Variants in RSRC1 observed in about 807,000 individuals in gnomAD.
RSRC1 encodes the protein arginine and serine rich coiled-coil 1, also known as serine/Arginine-related protein 53.
A neutral mutation model predicts 49.1 loss-of-function variants in RSRC1; 39 were observed. The ratio of observed to expected loss-of-function variants is 0.79; its 90% CI spans 0.61 to 1.04. The LOEUF is 1.04. Ranked by LOEUF, RSRC1 falls within the 50% of genes least tolerant of loss-of-function variation. The pLI is 0.00. For synonymous variants in RSRC1, 143 were observed against 130.8 expected (o/e 1.09, Z -0.63); for missense variants, 388 against 402.4 (o/e 0.96, Z 0.31).
chr3:158,308,611 G>A (rs370851527), intron 5 of RSRC1, among the ~76,000 whole-genome samples: 6 of 151,934 alleles, frequency 3.9e-5, no homozygotes, highest in Admixed American at 1.3e-4. Flanking sequence ...AAGAAATATT[G>A]CATTAATTTT....
intron 6 of RSRC1, among the ~76,000 whole-genome samples, chr3:158,363,545 G>A (rs751185839): frequency 5.9e-5 from 9 of 152,254 alleles, no homozygotes; most frequent in South Asian, 4.2e-4. Context: ...GATTACAGGC[G>A]TGAGCCACCA....
intron 7 of RSRC1, among the ~76,000 whole-genome samples, chr3:158,503,349 T>C (rs918094873): frequency 2.0e-5 from 3 of 152,108 alleles, no homozygotes; most frequent in Non-Finnish European, 4.4e-5. Context: ...ATGTTCCATT[T>C]TTGTGAGGGT....
intron 6 of RSRC1, among the ~76,000 whole-genome samples, chr3:158,445,160 AC>A (rs1736628855): frequency 6.6e-6 from 1 of 152,226 alleles, no homozygotes; most frequent in South Asian, 2.1e-4. Flanking sequence ...CTGGGTGTAT[AC>A]CCAAAGGAAT....
intron 5 of RSRC1, among the ~76,000 whole-genome samples, chr3:158,346,826 G>A (rs1730577836): frequency 6.6e-6 from 1 of 152,166 alleles, no homozygotes; most frequent in Non-Finnish European, 1.5e-5. Context: ...CTGAATCTTA[G>A]CACCTTTTAT....
At chr3:158,434,568 A>G (rs1046033815) in intron 6 of RSRC1, among the ~76,000 whole-genome samples, 16 of 152,118 alleles carry the variant, frequency 1.1e-4, no homozygotes, top group African/African-American at 2.9e-4. Flanking sequence ...ACATTCCAAC[A>G]GACAGAAGAA....
intron 6 of RSRC1, among the ~76,000 whole-genome samples, chr3:158,400,277 TC>T (rs1160392047): frequency 2.4e-4 from 37 of 152,228 alleles, no homozygotes; most frequent in African/African-American, 8.9e-4. Flanking sequence ...TAAACAAACT[TC>T]CTGCAGTGCC....
chr3:158,376,862 T>G (rs1216548740), intron 6 of RSRC1, among the ~76,000 whole-genome samples: 6 of 152,160 alleles, frequency 3.9e-5, no homozygotes, highest in African/African-American at 1.4e-4. Context: ...CTTTTACATT[T>G]TTTTAGACTT....
At chr3:158,454,513 A>G (rs1253915239) in intron 6 of RSRC1, among the ~76,000 whole-genome samples, 2 of 152,136 alleles carry the variant, frequency 1.3e-5, no homozygotes, top group Non-Finnish European at 2.9e-5. Context: ...TTAGTCTTCA[A>G]CTGTATTCAT....
At chr3:158,257,204 G>A (rs967798431) in intron 4 of RSRC1, among the ~76,000 whole-genome samples, 1 of 152,000 alleles carries the variant, frequency 6.6e-6, no homozygotes, top group Non-Finnish European at 1.5e-5. Context: ...TCTCTTGTGG[G>A]CATTTAGTAC....
At chr3:158,153,480 A>C (rs1717676679) in intron 3 of RSRC1, among the ~76,000 whole-genome samples, 1 of 152,236 alleles carries the variant, frequency 6.6e-6, no homozygotes, top group Non-Finnish European at 1.5e-5. Flanking sequence ...ACAATGTGGC[A>C]TGGTATTGTG....
intron 6 of RSRC1, among the ~76,000 whole-genome samples, chr3:158,377,489 A>G (rs73170358): frequency 0.13 from 20,458 of 152,002 alleles, 1,496 homozygotes; most frequent in Middle Eastern, 0.2. Context: ...AAAAGAGTGT[A>G]GTGTCTTCTC....
intron 6 of RSRC1, among the ~76,000 whole-genome samples, chr3:158,455,195 G>C (rs1737245297): frequency 6.6e-6 from 1 of 151,956 alleles, no homozygotes; most frequent in African/African-American, 2.4e-5. Context: ...CTATGCTTTT[G>C]TTCTCATCTG....
chr3:158,175,760 G>A (rs1467585939), intron 3 of RSRC1, among the ~76,000 whole-genome samples: 2 of 152,134 alleles, frequency 1.3e-5, no homozygotes, highest in African/African-American at 4.8e-5. Context: ...ATCAAACGTA[G>A]ATTTGGTCTT....
At chr3:158,266,978 G>T (rs1578262965) in intron 4 of RSRC1, among the ~76,000 whole-genome samples, 1 of 152,142 alleles carries the variant, frequency 6.6e-6, no homozygotes, top group Non-Finnish European at 1.5e-5. Context: ...TGCGCAGGCT[G>T]GTCTCAAACC....
chr3:158,153,655 A>G (rs945268283), intron 3 of RSRC1, among the ~76,000 whole-genome samples: 8 of 152,304 alleles, frequency 5.3e-5, no homozygotes, highest in Middle Eastern at 3.4e-3. Flanking sequence ...GGATCTTACA[A>G]TCTAAGAAAG....
chr3:158,366,579 A>G (rs528036170), intron 6 of RSRC1, among the ~76,000 whole-genome samples: 100 of 152,220 alleles, frequency 6.6e-4, no homozygotes, highest in African/African-American at 2.2e-3. Flanking sequence ...GTCAGGTAGC[A>G]TGATACCTCC....
chr3:158,187,503 T>G (rs1227838898), intron 3 of RSRC1, among the ~76,000 whole-genome samples: 2 of 152,002 alleles, frequency 1.3e-5, no homozygotes, highest in Non-Finnish European at 2.9e-5. Context: ...TTTCTGGCAT[T>G]TTGATAAGAT....
At chr3:158,470,179 C>A (rs1428101333) in intron 7 of RSRC1, among the ~76,000 whole-genome samples, 1 of 151,976 alleles carries the variant, frequency 6.6e-6, no homozygotes, top group African/African-American at 2.4e-5. Flanking sequence ...AAAAAGTTGT[C>A]TTTCCCAATA....
chr3:158,365,050 G>A (rs1214013555), intron 6 of RSRC1, among the ~76,000 whole-genome samples: 1 of 152,022 alleles, frequency 6.6e-6, no homozygotes, highest in Admixed American at 6.6e-5. Context: ...GTGGCTTTAT[G>A]AGGTAATTAA....
Sources: allele counts gnomAD v4.1 joint callset (sites outside exome capture counted in the v4.1 genomes callset), GRCh38; gene constraint gnomAD v4.1.1; transcripts MANE v1.5; gene names NCBI Gene and HGNC (gene_info 2026-07-23, HGNC 2026-07-21).